Variants in SUGCT observed in about 807,000 individuals in gnomAD.
SUGCT encodes succinyl-CoA:glutarate-CoA transferase, also known as succinyl-CoA:glutarate CoA-transferase.
In SUGCT, 41 loss-of-function variants were observed where a neutral mutation model predicts 55.0. That is an observed-to-expected ratio of 0.74 (90% CI 0.58 to 0.97). The LOEUF is 0.97. SUGCT is among the 50% of genes least tolerant of loss of function. The pLI, the probability that SUGCT is intolerant of heterozygous loss-of-function variation, is 0.00. For missense variants in SUGCT, 568 were observed against 547.8 expected, an observed-to-expected ratio of 1.04 and a Z score of -0.37; for synonymous variants, 187 against 200.4, an observed-to-expected ratio of 0.93 and a Z score of 0.56.
At chr7:40,954,311 T>G in the SUGCT span, among the ~76,000 whole-genome samples, 56 of 152,310 alleles carry the variant, frequency 3.7e-4, no homozygotes, top group Non-Finnish European at 7.2e-4. Context: ...AAGCACCATA[T>G]TAGGGTGGGA....
At chr7:40,176,675 T>C (rs1336518895) in intron 1 of SUGCT, among the ~76,000 whole-genome samples, 2 of 151,796 alleles carry the variant, frequency 1.3e-5, no homozygotes. Flanking sequence ...TCGGTAGAGA[T>C]AAAGACTAAA....
the SUGCT span, among the ~76,000 whole-genome samples, chr7:40,939,328 C>T: frequency 6.6e-6 from 1 of 152,174 alleles, no homozygotes; most frequent in Admixed American, 6.5e-5. Context: ...TTCCAGGTTT[C>T]TTCCACAACA....
At chr7:40,474,598 A>G (rs1790560582) in intron 11 of SUGCT, among the ~76,000 whole-genome samples, 1 of 152,142 alleles carries the variant, frequency 6.6e-6, no homozygotes, top group Non-Finnish European at 1.5e-5. Context: ...GGAACTGTTT[A>G]TACTTCCAGT....
chr7:40,806,956 GA>G, intron 13 of SUGCT, among the ~76,000 whole-genome samples: 1 of 152,202 alleles, frequency 6.6e-6, no homozygotes, highest in Admixed American at 6.5e-5. Context: ...TAAGTTTCCA[GA>G]CCTATAAAAT....
chr7:40,762,658 G>A (rs1032819596), intron 13 of SUGCT, among the ~76,000 whole-genome samples: 2 of 152,142 alleles, frequency 1.3e-5, no homozygotes, highest in African/African-American at 4.8e-5. Context: ...TAAAAAGGAT[G>A]CATACATTTT....
At chr7:40,846,924 T>C (rs1220244093) in intron 13 of SUGCT, among the ~76,000 whole-genome samples, 1 of 152,186 alleles carries the variant, frequency 6.6e-6, no homozygotes, top group Non-Finnish European at 1.5e-5. Flanking sequence ...TTAAATTCAT[T>C]TAGTGCATCA....
intron 9 of SUGCT, chr7:40,388,231 TG>T (rs1785229220): frequency 6.6e-6 from 1 of 152,174 alleles, no homozygotes; most frequent in African/African-American, 2.4e-5. Flanking sequence ...CTTCATAAAC[TG>T]CTAAAAAATA....
chr7:40,332,757 T>C (rs1422809574), intron 9 of SUGCT, among the ~76,000 whole-genome samples: 1 of 152,180 alleles, frequency 6.6e-6, no homozygotes, highest in African/African-American at 2.4e-5. Context: ...GCTCTGTGTG[T>C]AGTGAATCTG....
At chr7:41,023,716 A>G in the SUGCT span, among the ~76,000 whole-genome samples, 3 of 126,916 alleles carry the variant, frequency 2.4e-5, no homozygotes, top group African/African-American at 1.2e-4. Context: ...TGTAAGGAGC[A>G]AAGGAGCAAT....
chr7:41,030,692 A>G, the SUGCT span, among the ~76,000 whole-genome samples: 1 of 152,102 alleles, frequency 6.6e-6, no homozygotes, highest in Non-Finnish European at 1.5e-5. Context: ...TACATTATAA[A>G]TTCTGAATGT....
At chr7:40,810,182 A>G (rs772791029) in intron 13 of SUGCT, among the ~76,000 whole-genome samples, 2 of 151,520 alleles carry the variant, frequency 1.3e-5, no homozygotes, top group African/African-American at 4.9e-5. Context: ...CTGGAGTGCA[A>G]TGGCACAATC....
chr7:40,340,740 A>G (rs905982881), intron 9 of SUGCT, among the ~76,000 whole-genome samples: 1 of 152,228 alleles, frequency 6.6e-6, no homozygotes, highest in African/African-American at 2.4e-5. Context: ...AAGGACTGCA[A>G]TTCAGAAATA....
chr7:40,331,529 C>G (rs1005340138), intron 9 of SUGCT, among the ~76,000 whole-genome samples: 2 of 152,142 alleles, frequency 1.3e-5, no homozygotes, highest in African/African-American at 4.8e-5. Context: ...TAGGGTCTGG[C>G]ACATAGCATA....
chr7:40,865,020 T>A (rs1321575602), downstream of SUGCT, among the ~76,000 whole-genome samples: 2 of 152,172 alleles, frequency 1.3e-5, no homozygotes, highest in East Asian at 3.9e-4. Context: ...CATTTTCACC[T>A]CTTTCTCTCT....
chr7:40,525,358 C>T (rs1284936320), intron 12 of SUGCT, among the ~76,000 whole-genome samples: 1 of 152,070 alleles, frequency 6.6e-6, no homozygotes, highest in Non-Finnish European at 1.5e-5. Context: ...TGTAGCCAAG[C>T]TGTGAAGATG....
chr7:40,657,372 T>C (rs1204592847), intron 12 of SUGCT, among the ~76,000 whole-genome samples: 2 of 152,178 alleles, frequency 1.3e-5, no homozygotes, highest in East Asian at 1.9e-4. Context: ...TTGACAATAA[T>C]GTCAATCGAT....
At chr7:40,181,028 A>G (rs1293849489) in intron 2 of SUGCT, 30 bp downstream of exon 2, 1 of 1,540,508 alleles carries the variant, frequency 6.5e-7, no homozygotes, top group Non-Finnish European at 8.9e-7. Context: ...CATTTTGGTG[A>G]TTGGGTTTTT....
At chr7:40,240,424 A>G (rs1789303240) in intron 7 of SUGCT, among the ~76,000 whole-genome samples, 1 of 152,092 alleles carries the variant, frequency 6.6e-6, no homozygotes, top group Non-Finnish European at 1.5e-5. Flanking sequence ...CAGGGATTGC[A>G]GTGAGCTGAG....
At chr7:40,448,214 TTCCCTCCCTCCC>T (rs373133382) in intron 9 of SUGCT, among the ~76,000 whole-genome samples, 26 of 100,794 alleles carry the variant, frequency 2.6e-4, no homozygotes, top group East Asian at 1.4e-3. Flanking sequence ...CCTCTCCCAG[TTCCCTCCCTCCC>T]TCCCTCCCTC....
Sources: allele counts gnomAD v4.1 joint callset (sites outside exome capture counted in the v4.1 genomes callset), GRCh38; gene constraint gnomAD v4.1.1; transcripts MANE v1.5; gene names NCBI Gene and HGNC (gene_info 2026-07-23, HGNC 2026-07-21).